The following AIG1 variants were observed in gnomAD, a reference collection of about 807,000 sequenced individuals.
AIG1 encodes the protein androgen-induced gene 1 protein.
In AIG1, 23 loss-of-function variants were observed where a neutral mutation model predicts 31.4. The observed-to-expected ratio is 0.73, with a 90% CI of 0.53 to 1.04. The LOEUF (loss-of-function observed/expected upper bound fraction) is 1.04, where lower values mean the gene tolerates loss of function less well. Among genes scored for constraint, AIG1 ranks in the 50% least tolerant of loss-of-function variants. The pLI, the probability that AIG1 is intolerant of heterozygous loss-of-function variation, is 0.00. For missense variants in AIG1, 274 were observed against 295.0 expected (o/e 0.93, Z 0.52); for synonymous variants, 100 against 110.5 (o/e 0.90, Z 0.60).
intron 3 of AIG1, among the ~76,000 whole-genome samples, chr6:143,204,599 G>A (rs1315796381): frequency 1.3e-5 from 2 of 152,132 alleles, no homozygotes; most frequent in Admixed American, 1.3e-4. Flanking sequence ...AGTCCCTAAG[G>A]CCAGCTCAGA....
At chr6:143,190,628 A>G in intron 3 of AIG1, 1 of 985,240 alleles carries the variant, frequency 1.0e-6, no homozygotes, top group Non-Finnish European at 1.2e-6. Context: ...CAGATCCTCC[A>G]GTTGAACAGG....
At chr6:143,175,115 A>G (rs1362227281) in intron 3 of AIG1, among the ~76,000 whole-genome samples, 1 of 152,196 alleles carries the variant, frequency 6.6e-6, no homozygotes, top group Non-Finnish European at 1.5e-5. Context: ...TGTGTTAAGG[A>G]GGCTAAAGAT....
intron 1 of AIG1, among the ~76,000 whole-genome samples, chr6:143,078,377 G>A (rs1014220665): frequency 6.6e-6 from 1 of 152,134 alleles, no homozygotes; most frequent in African/African-American, 2.4e-5. Context: ...TCTGTTGATT[G>A]TGGGTTTCCC....
At chr6:143,214,549 T>C (rs1377154226) in intron 3 of AIG1, among the ~76,000 whole-genome samples, 1 of 152,206 alleles carries the variant, frequency 6.6e-6, no homozygotes, top group East Asian at 1.9e-4. Context: ...ATGGGGTAAA[T>C]AGAGGTTTTC....
intron 4 of AIG1, among the ~76,000 whole-genome samples, chr6:143,306,126 C>T (rs1352401433): frequency 2.0e-5 from 3 of 150,898 alleles, no homozygotes; most frequent in Admixed American, 6.6e-5. Flanking sequence ...TGTCTCTGCA[C>T]GTGAGATGGG....
chr6:143,284,929 T>C lies in AIG1; in HGVS notation c.515+704T>C, dbSNP rs1333329071. On this transcript the variant is annotated intron_variant, in intron 4 of 5. Coordinates refer to ENST00000357847, the MANE Select transcript of AIG1 (RefSeq NM_016108.4). The surrounding 1 kb of genome is among the most constrained non-coding windows in gnomAD (Gnocchi z 4.4). The stretch of plus-strand genomic sequence containing the variant: ...CTTAACATAGAGAATTTCTTATTTC[T>C]CTTTATAATTCCAAGTCCTCTTTGA... Among the ~76,000 whole-genome samples the C allele has an allele frequency of 6.6e-6, 1 of 152,158 alleles. No individual in the cohort carries two copies. Among genetic ancestry groups the C allele is most frequent in the Non-Finnish European group, 1.5e-5 (1 of 68,030 alleles).
intron 2 of AIG1, among the ~76,000 whole-genome samples, chr6:143,161,215 T>G (rs954352839): frequency 6.6e-6 from 1 of 152,164 alleles, no homozygotes; most frequent in African/African-American, 2.4e-5. Context: ...CAAATAGCCC[T>G]ATATTTATTA....
chr6:143,343,582 C>G (rs1009867928), downstream of AIG1, among the ~76,000 whole-genome samples: 1 of 152,084 alleles, frequency 6.6e-6, no homozygotes, highest in African/African-American at 2.4e-5. Context: ...AGGTTTACAT[C>G]TAGTTCGTAA....
At chr6:143,336,721 A>G (rs994403720) in intron 5 of AIG1, among the ~76,000 whole-genome samples, 4 of 152,190 alleles carry the variant, frequency 2.6e-5, no homozygotes, top group South Asian at 4.1e-4. Flanking sequence ...TCAGACATCA[A>G]CTCTCAAGTC....
At chr6:143,189,481 G>A in intron 3 of AIG1, 2 of 984,984 alleles carry the variant, frequency 2.0e-6, no homozygotes, top group Non-Finnish European at 1.2e-6. Context: ...AATCAAGCTT[G>A]ATGATATTTC....
At chr6:143,187,517 T>A in intron 3 of AIG1, 1 of 1,534,820 alleles carries the variant, frequency 6.5e-7, no homozygotes. Context: ...CCACATTTTT[T>A]AACCTGTTTT....
At chr6:143,089,907 T>G (rs1239060030) in intron 1 of AIG1, among the ~76,000 whole-genome samples, 1 of 152,214 alleles carries the variant, frequency 6.6e-6, no homozygotes, top group Non-Finnish European at 1.5e-5. Flanking sequence ...AATTTCAACA[T>G]GAGTTTTGGA....
intron 3 of AIG1, among the ~76,000 whole-genome samples, chr6:143,218,616 AT>A (rs1349068410): frequency 1.3e-5 from 2 of 152,198 alleles, no homozygotes; most frequent in Non-Finnish European, 2.9e-5. Flanking sequence ...TCCGGGTGGT[AT>A]CCTCCACCAC....
At chr6:143,118,044 A>G (rs1781888523) in intron 1 of AIG1, among the ~76,000 whole-genome samples, 1 of 152,228 alleles carries the variant, frequency 6.6e-6, no homozygotes, top group African/African-American at 2.4e-5. Flanking sequence ...CAACAGATAT[A>G]GTGATCTCGG....
chr6:143,284,170 A>G lies in AIG1; in HGVS notation c.460A>G (p.Ser154Gly), dbSNP rs202049124. The G allele has an allele frequency of 6.4e-5, 104 of 1,614,004 alleles. No homozygotes were observed. The highest frequency in any genetic ancestry group is 8.5e-5 in the Non-Finnish European group (100 of 1,180,000). The change falls in exon 4 of 6, where the codon AGC becomes GGC. Residue 154 changes from serine (S) to glycine (G), a missense_variant. By Grantham distance (56) the Ser-to-Gly change is moderately conservative (BLOSUM62 0). Coordinates refer to ENST00000357847, the MANE Select transcript of AIG1 (RefSeq NM_016108.4). The surrounding 1 kb of genome is among the most constrained non-coding windows in gnomAD (Gnocchi z 4.4). ...EMRTSHHQYP[S>G]RSSGLTAICT... is the part of the protein sequence containing the mutation. ...GAGGACATCGCACCATCAGTATCCC[A>G]GCAGGAGCAGCGGACTTACCGCCAT...
intron 2 of AIG1, among the ~76,000 whole-genome samples, chr6:143,143,528 A>AAAATAT (rs1554249782): frequency 1.1e-4 from 3 of 27,794 alleles, no homozygotes; most frequent in African/African-American, 1.9e-4. Context: ...AAAAAAAAAA[A>AAAATAT]ATATATATAT....
intron 3 of AIG1, among the ~76,000 whole-genome samples, chr6:143,246,206 A>G (rs2128643675): frequency 6.6e-6 from 1 of 152,210 alleles, no homozygotes; most frequent in East Asian, 1.9e-4. Context: ...CTTACAGTTA[A>G]TTAGGAATTG....
chr6:143,319,295 A>G (rs973106494), intron 4 of AIG1, among the ~76,000 whole-genome samples: 5 of 152,212 alleles, frequency 3.3e-5, no homozygotes, highest in Non-Finnish European at 5.9e-5. Context: ...CTACTCAGCC[A>G]TAAAAAGGAA....
chr6:143,312,647 G>A (rs1235834717), intron 4 of AIG1, among the ~76,000 whole-genome samples: 1 of 151,966 alleles, frequency 6.6e-6, no homozygotes, highest in Non-Finnish European at 1.5e-5. Context: ...CATTGGACTG[G>A]CCAAAGATTT....
Sources: allele counts gnomAD v4.1 joint callset (sites outside exome capture counted in the v4.1 genomes callset), GRCh38; gene constraint gnomAD v4.1.1; non-coding constraint Gnocchi (gnomAD v3.1); transcripts MANE v1.5; gene names NCBI Gene and HGNC (gene_info 2026-07-23, HGNC 2026-07-21).